MAGI3: variants seen among roughly 807,000 people sequenced by gnomAD.
MAGI3 encodes membrane-associated guanylate kinase, WW and PDZ domain-containing protein 3.
Under a neutral mutation model 121.8 loss-of-function variants are expected in MAGI3, and 43 were observed. That is an observed-to-expected ratio of 0.35 (90% confidence interval 0.28 to 0.46). MAGI3 has a LOEUF of 0.46. Among genes scored for constraint, MAGI3 ranks in the 20% least tolerant of loss-of-function variants. The pLI is 1.00. For missense variants in MAGI3, 1,547 were observed against 1,797.3 expected, an observed-to-expected ratio of 0.86 and a Z score of 2.52; for synonymous variants, 553 against 639.3, an observed-to-expected ratio of 0.86 and a Z score of 2.04.
intron 1 of MAGI3, among the ~76,000 whole-genome samples, chr1:113,442,967 T>C (rs1423074209): frequency 6.6e-6 from 1 of 152,188 alleles, no homozygotes; most frequent in Admixed American, 6.6e-5. Flanking sequence ...TCTTGTATTA[T>C]ATTGTAAATT....
chr1:113,653,667 A>G (rs1423955259), intron 14 of MAGI3, among the ~76,000 whole-genome samples, 163 bp from the exon 15 acceptor site: 3 of 152,114 alleles, frequency 2.0e-5, no homozygotes, highest in East Asian at 1.9e-4. Context: ...TGTTGCCTAC[A>G]TCTGCACTCA....
At chr1:113,449,773 C>T (rs1237111958) in intron 1 of MAGI3, 3 of 1,060,228 alleles carry the variant, frequency 2.8e-6, no homozygotes, top group African/African-American at 1.5e-5. Flanking sequence ...TTTGAAACTA[C>T]AGATGATAGT....
intron 7 of MAGI3, among the ~76,000 whole-genome samples, chr1:113,615,017 T>C (rs1650368743): frequency 6.6e-6 from 1 of 152,152 alleles, no homozygotes; most frequent in Admixed American, 6.5e-5. Context: ...ACTGTATCCT[T>C]CTGAAAGCAG....
intron 1 of MAGI3, among the ~76,000 whole-genome samples, chr1:113,486,651 CTTTTTTTTTT>C (rs767164528): frequency 8.1e-6 from 1 of 124,042 alleles, no homozygotes; most frequent in Non-Finnish European, 1.7e-5. Flanking sequence ...TCTTCAAAGT[CTTTTTTTTTT>C]TTTTTTTTGA....
At chr1:113,416,807 C>T (rs1408418044) in intron 1 of MAGI3, among the ~76,000 whole-genome samples, 4 of 151,568 alleles carry the variant, frequency 2.6e-5, no homozygotes, top group Admixed American at 1.3e-4. Context: ...ACTTATTTCT[C>T]AAATTCAGAA....
chr1:113,541,525 T>C (rs1460745733), intron 1 of MAGI3, among the ~76,000 whole-genome samples: 1 of 152,216 alleles, frequency 6.6e-6, no homozygotes, highest in Non-Finnish European at 1.5e-5. Flanking sequence ...AATTTAATTA[T>C]ATAAATTATT....
intron 13 of MAGI3, among the ~76,000 whole-genome samples, chr1:113,650,672 T>C (rs1233487475): frequency 6.6e-6 from 1 of 152,256 alleles, no homozygotes; most frequent in Non-Finnish European, 1.5e-5. Flanking sequence ...AGACTTTTAA[T>C]AGCTACTCTG....
chr1:113,600,671 C>T (rs924898930), intron 6 of MAGI3, among the ~76,000 whole-genome samples: 48 of 152,234 alleles, frequency 3.2e-4, no homozygotes, highest in African/African-American at 1.1e-3. Context: ...GATTCAATGC[C>T]ATCCCCATCA....
At chr1:113,592,120 A>G (rs531806031) in intron 5 of MAGI3, among the ~76,000 whole-genome samples, 308 of 152,280 alleles carry the variant, frequency 2.0e-3, no homozygotes, top group Non-Finnish European at 3.6e-3. Flanking sequence ...AGCAAAGCAA[A>G]CAATCAACAG....
chr1:113,543,938 AC>A (rs1434363461), intron 1 of MAGI3, among the ~76,000 whole-genome samples: 1 of 152,098 alleles, frequency 6.6e-6, no homozygotes, highest in African/African-American at 2.4e-5. Context: ...ATCTATAAAA[AC>A]TAAACTAAAT....
At chr1:113,471,813 C>A (rs1655550457) in intron 1 of MAGI3, among the ~76,000 whole-genome samples, 1 of 152,144 alleles carries the variant, frequency 6.6e-6, no homozygotes, top group Non-Finnish European at 1.5e-5. Flanking sequence ...CCATTATAAT[C>A]TTATGGGACC....
At position 113,683,606 on chromosome 1, in the gene MAGI3, G is replaced by A. The variant is rs370142744; in HGVS notation, c.4038G>A (p.Leu1346=). The change falls in exon 21 of 21, where the codon TTG becomes TTA. Residue 1346 remains leucine, a synonymous_variant. Transcript: ENST00000307546. The part of the protein sequence containing the change: ...VIRKDAKQNQ[L]EKSRTRSPEK... ...GGAAAGATGCAAAGCAGAATCAGTT[G>A]GAAAAAAGCAGAACAAGGTCTCCAG... 1 of 1,613,402 alleles carries A rather than the reference G, an allele frequency of 6.2e-7. No individual in the cohort carries two copies. The highest frequency in any genetic ancestry group is 1.1e-5 in the South Asian group (1 of 91,014).
At chr1:113,446,877 A>G (rs1654202939) in intron 1 of MAGI3, among the ~76,000 whole-genome samples, 1 of 152,232 alleles carries the variant, frequency 6.6e-6, no homozygotes, top group African/African-American at 2.4e-5. Context: ...TCTTCAGAAC[A>G]TTATGCTGAG....
intron 1 of MAGI3, among the ~76,000 whole-genome samples, chr1:113,533,142 A>G (rs1270653283): frequency 6.6e-6 from 1 of 152,162 alleles, no homozygotes; most frequent in Non-Finnish European, 1.5e-5. Flanking sequence ...TCTAAGTTAT[A>G]TGGTTTTCTT....
intron 2 of MAGI3, among the ~76,000 whole-genome samples, chr1:113,564,012 T>G (rs1399287447): frequency 6.6e-6 from 1 of 152,226 alleles, no homozygotes; most frequent in Non-Finnish European, 1.5e-5. Context: ...GGTGATATTC[T>G]TTAGAGTCCT....
Position 113,684,083 on chromosome 1 carries a change from C to A in MAGI3, c.*69C>A. On this transcript the variant is annotated 3_prime_UTR_variant, in exon 21 of 21. Coordinates refer to ENST00000307546, the MANE Select transcript of MAGI3 (RefSeq NM_001142782.2). ...ACAGCAGCATTTTTCCAGAAAAAGCCTTTTTTTTTTTTTCAGATATTCTGA... is the reference window on the plus strand; with the variant it reads ...ACAGCAGCATTTTTCCAGAAAAAGCATTTTTTTTTTTTTCAGATATTCTGA... 9.0e-7 allele frequency: 1 copy of A among 1,114,628 alleles called. No individual in the cohort carries two copies. Among genetic ancestry groups the A allele is most frequent in the Non-Finnish European group, 1.2e-6 (1 of 837,494 alleles). 69.0% of individuals were successfully genotyped at this position (1,114,628 alleles called of 1,614,324 possible).
intron 1 of MAGI3, chr1:113,450,161 ATGATACAGT>A (rs1654402728): frequency 6.7e-7 from 1 of 1,495,342 alleles, no homozygotes; most frequent in African/African-American, 1.4e-5. Flanking sequence ...TTTGATGAGC[ATGATACAGT>A]TGATAAAATT....
intron 9 of MAGI3, among the ~76,000 whole-genome samples, chr1:113,632,777 T>C (rs1171097422): frequency 6.6e-6 from 1 of 152,204 alleles, no homozygotes; most frequent in Non-Finnish European, 1.5e-5. Flanking sequence ...AAAAGAAGGA[T>C]ACTACAAGAA....
chr1:113,670,675 G>C (rs570527414), intron 16 of MAGI3, among the ~76,000 whole-genome samples: 2 of 152,256 alleles, frequency 1.3e-5, no homozygotes, highest in South Asian at 4.1e-4. Flanking sequence ...AGTTATAATA[G>C]AAACTGTTAT....
Sources: allele counts gnomAD v4.1 joint callset (sites outside exome capture counted in the v4.1 genomes callset), GRCh38; gene constraint gnomAD v4.1.1; transcripts MANE v1.5; gene names NCBI Gene and HGNC (gene_info 2026-07-23, HGNC 2026-07-21).